SNX24: variants seen among roughly 807,000 people sequenced by gnomAD.
SNX24 encodes sorting nexin-24.
SNX24 carries 22 observed loss-of-function variants against 28.7 expected under a neutral mutation model. That is an observed-to-expected ratio of 0.77 (90% CI 0.55 to 1.10). The LOEUF (loss-of-function observed/expected upper bound fraction) is 1.10. Among genes scored for constraint, SNX24 ranks in the 50% least tolerant of loss-of-function variants. The pLI, the probability that SNX24 is intolerant of heterozygous loss-of-function variation, is 0.00. For missense variants in SNX24, 221 were observed against 201.1 expected (o/e 1.10, Z -0.60); for synonymous variants, 69 against 71.5 (o/e 0.96, Z 0.18).
In SNX24 at chr5:122,923,823, C is replaced by T. The variant is rs552618870; in HGVS notation, c.61-12911C>T. On this transcript the variant is annotated intron_variant, in intron 1 of 6. Coordinates refer to ENST00000261369, the MANE Select transcript of SNX24 (RefSeq NM_014035.4). ...TGAAACAAGAAAATTCGCATCCACC[C>T]GAGCTTACGCTTTACCCTTCTTTTG... 8.5e-5 allele frequency among the ~76,000 whole-genome samples: 13 copies of T among 152,224 alleles called. No individual in the cohort carries two copies. The South Asian group carries it at 2.1e-3, about 24-fold the overall frequency.
chr5:122,902,680 A>C (rs1292040939), intron 1 of SNX24, among the ~76,000 whole-genome samples: 1 of 152,140 alleles, frequency 6.6e-6, no homozygotes, highest in African/African-American at 2.4e-5. Flanking sequence ...AGCCCAGTAC[A>C]CACATTCAGG....
chr5:122,860,321 A>G (rs554277501), intron 1 of SNX24, among the ~76,000 whole-genome samples: 2 of 103,274 alleles, frequency 1.9e-5, no homozygotes, highest in East Asian at 2.8e-4. Context: ...TTTGGGCAAG[A>G]TAAAAAAAAA....
chr5:122,868,418 C>T lies in SNX24; in HGVS notation c.60+22725C>T, dbSNP rs114604388. On this transcript the variant is annotated intron_variant, in intron 1 of 6. Coordinates refer to ENST00000261369, the MANE Select transcript of SNX24 (RefSeq NM_014035.4). ...TACTAAGACCCAGTAGCAGGGTAAG[C>T]GCTGTTTCTCAAAAGTAGAGTGGTT... Among the ~76,000 whole-genome samples the T allele has an allele frequency of 8.5e-3, 1,287 of 152,204 alleles. 17 individuals carry two copies. The highest frequency in any genetic ancestry group is 0.029 in the African/African-American group (1,196 of 41,542).
chr5:122,954,538 C>T (rs1760120587), intron 3 of SNX24, among the ~76,000 whole-genome samples: 1 of 150,352 alleles, frequency 6.7e-6, no homozygotes. Flanking sequence ...TCTATTGTTC[C>T]CCCATTTGTT....
At chr5:122,936,890 G>A (rs1278321134) in intron 2 of SNX24, 73 bp downstream of exon 2, 1 of 843,004 alleles carries the variant, frequency 1.2e-6, no homozygotes, top group East Asian at 2.5e-5. Context: ...ACTCCTTTCT[G>A]TGGTTCTAAG....
chr5:122,850,489 G>T (rs182809337), intron 1 of SNX24, among the ~76,000 whole-genome samples: 31 of 152,240 alleles, frequency 2.0e-4, no homozygotes, highest in African/African-American at 6.7e-4. Context: ...TCATTTAAGA[G>T]ACACTTAAAA....
At chr5:123,010,031 C>T (rs374192182), downstream of SNX24, among the ~76,000 whole-genome samples, 18 of 152,292 alleles carry the variant, frequency 1.2e-4, 2 homozygotes, top group East Asian at 3.9e-4. Context: ...CTATGAGGTG[C>T]GGCCTCATAG....
intron 3 of SNX24, among the ~76,000 whole-genome samples, chr5:122,967,811 G>A (rs1444228963): frequency 6.6e-6 from 1 of 152,106 alleles, no homozygotes; most frequent in African/African-American, 2.4e-5. Context: ...CAGGAGTCCT[G>A]CTGGGAAACC....
chr5:123,016,039 A>T (rs182082504), intron 5 of SNX24, among the ~76,000 whole-genome samples: 2 of 152,338 alleles, frequency 1.3e-5, no homozygotes, highest in East Asian at 3.8e-4. Context: ...ACTTTTCTTC[A>T]TCACAGCAGG....
chr5:122,883,723 C>G (rs977159825), intron 1 of SNX24, among the ~76,000 whole-genome samples: 1 of 152,096 alleles, frequency 6.6e-6, no homozygotes, highest in African/African-American at 2.4e-5. Flanking sequence ...AATTATAGCT[C>G]ACTGCAAGCT....
intron 1 of SNX24, among the ~76,000 whole-genome samples, chr5:122,863,464 G>T (rs1581681733): frequency 6.6e-6 from 1 of 152,116 alleles, no homozygotes; most frequent in African/African-American, 2.4e-5. Flanking sequence ...AGATGGAATG[G>T]TGGGGTGGGA....
chr5:122,881,270 A>T (rs1031488000), intron 1 of SNX24, among the ~76,000 whole-genome samples: 3 of 152,258 alleles, frequency 2.0e-5, no homozygotes, highest in East Asian at 3.9e-4. Flanking sequence ...TATGTTGTTC[A>T]TTTTATCTTT....
chr5:122,906,025 A>C (rs1195737617), intron 1 of SNX24, among the ~76,000 whole-genome samples: 2 of 152,208 alleles, frequency 1.3e-5, no homozygotes, highest in Non-Finnish European at 1.5e-5. Context: ...AACAAATACA[A>C]ATAAAACAAC....
At chr5:122,956,893 T>C (rs554421356) in intron 3 of SNX24, among the ~76,000 whole-genome samples, 3 of 152,256 alleles carry the variant, frequency 2.0e-5, no homozygotes, top group South Asian at 4.1e-4. Context: ...TTTTTTTTCA[T>C]TGTTGAGTTT....
At chr5:122,887,393 G>C (rs1040344639) in intron 1 of SNX24, among the ~76,000 whole-genome samples, 2 of 152,314 alleles carry the variant, frequency 1.3e-5, no homozygotes, top group African/African-American at 4.8e-5. Context: ...ATTTTCAGCA[G>C]CAGTATATTC....
intron 5 of SNX24, among the ~76,000 whole-genome samples, chr5:123,024,316 C>T (rs1012024582): frequency 6.6e-6 from 1 of 152,014 alleles, no homozygotes; most frequent in Admixed American, 6.5e-5. Flanking sequence ...TTGTAAACAC[C>T]CAGCTCTAGT....
chr5:122,956,221 T>C (rs955163806), intron 3 of SNX24, among the ~76,000 whole-genome samples: 1 of 152,166 alleles, frequency 6.6e-6, no homozygotes, highest in Non-Finnish European at 1.5e-5. Flanking sequence ...CGTTCTATTA[T>C]ATGTGGTGCC....
intron 3 of SNX24, among the ~76,000 whole-genome samples, chr5:122,983,407 A>T (rs770585019): frequency 6.6e-6 from 1 of 152,112 alleles, no homozygotes; most frequent in Non-Finnish European, 1.5e-5. Flanking sequence ...AGCATTTTTG[A>T]ATATTTACCT....
intron 1 of SNX24, among the ~76,000 whole-genome samples, chr5:122,846,064 C>T (rs983805747): frequency 6.6e-6 from 1 of 152,220 alleles, no homozygotes; most frequent in Non-Finnish European, 1.5e-5. Flanking sequence ...GCGGCAGATT[C>T]ACGCTGGCTT....
Sources: gnomAD v4.1 joint callset for allele counts (sites outside exome capture counted in the v4.1 genomes callset) on GRCh38, gnomAD v4.1.1 for gene constraint, MANE v1.5 for transcripts, NCBI Gene and HGNC (gene_info 2026-07-23, HGNC 2026-07-21) for gene names.